Variants in USP24 observed in about 807,000 individuals in gnomAD.
USP24 encodes the protein ubiquitin specific peptidase 24, also known as ubiquitin carboxyl-terminal hydrolase 24.
USP24 carries 97 observed loss-of-function variants against 361.6 expected under a neutral mutation model. That is an observed-to-expected ratio of 0.27 (90% CI 0.23 to 0.32). USP24 has a LOEUF of 0.32. Among genes scored for constraint, USP24 ranks in the 10% least tolerant of loss-of-function variants. The pLI is 1.00. For missense variants in USP24, 2,353 were observed against 3,165.6 expected (o/e 0.74, Z 6.16); for synonymous variants, 1,098 against 1,124.6 (o/e 0.98, Z 0.47).
intron 1 of USP24, among the ~76,000 whole-genome samples, chr1:55,208,564 G>A (rs748041713): frequency 1.3e-5 from 2 of 151,956 alleles, no homozygotes; most frequent in African/African-American, 4.8e-5. Flanking sequence ...GGGAGGCGGA[G>A]GTTGCAGTGA....
intron 23 of USP24, among the ~76,000 whole-genome samples, chr1:55,142,462 T>C (rs1016121485): frequency 9.9e-5 from 15 of 152,154 alleles, no homozygotes; most frequent in African/African-American, 3.4e-4. Flanking sequence ...ATGGAATGTA[T>C]AGGTGACCTA....
chr1:55,138,949 T>C lies in USP24; in HGVS notation c.2812A>G (p.Ile938Val), dbSNP rs1646812790. The C allele has an allele frequency of 1.9e-6, 3 of 1,612,896 alleles. No homozygotes were observed. The highest frequency in any genetic ancestry group is 2.2e-5 in the South Asian group (2 of 90,900). ...LLLAERYVIT[I>V]EDFYSVPRTI... ...AAAAAAAGGAAGTGGCTTACCTCTATAGTGATCACATAGCGCTCTGCCAGA... is the reference window on the plus strand; with the variant it reads ...AAAAAAAGGAAGTGGCTTACCTCTACAGTGATCACATAGCGCTCTGCCAGA... The change falls in exon 25 of 68, where the codon ATA becomes GTA. Residue 938 changes from isoleucine (I) to valine (V), a missense_variant. Ile to Val is a conservative substitution (Grantham distance 29). Coordinates refer to ENST00000294383, the MANE Select transcript of USP24 (RefSeq NM_015306.3).
At chr1:55,198,379 G>A (rs1295640267) in intron 1 of USP24, among the ~76,000 whole-genome samples, 1 of 152,164 alleles carries the variant, frequency 6.6e-6, no homozygotes, top group South Asian at 2.1e-4. Flanking sequence ...GAGAATGAAA[G>A]GGAAAGAGAA....
At chr1:55,136,020 C>T (rs564936220) in intron 28 of USP24, among the ~76,000 whole-genome samples, 1 of 152,042 alleles carries the variant, frequency 6.6e-6, no homozygotes, top group South Asian at 2.1e-4. Flanking sequence ...AATCTGCTCT[C>T]ATGGAGCTTA....
chr1:55,101,686 A>G lies in USP24; in HGVS notation c.5043T>C (p.Asp1681=). The change falls in exon 43 of 68, where the codon GAT becomes GAC. Residue 1681 remains aspartate (D), a synonymous_variant. Coordinates refer to ENST00000294383, the MANE Select transcript of USP24 (RefSeq NM_015306.3). ...TKEFDYLPPV[D]SRSSSGFVGL... ...CCACAAACCCTGAACTGGACCTGCT[A>G]TCCACTGGGGGAAGGTACTGGAAAA... 5 of 1,610,266 alleles carry G rather than the reference A, an allele frequency of 3.1e-6. No homozygotes were observed. The South Asian group carries it at 4.5e-5, about 14-fold the overall frequency.
At chr1:55,177,650 A>G (rs2100823302) in intron 2 of USP24, among the ~76,000 whole-genome samples, 1 of 152,362 alleles carries the variant, frequency 6.6e-6, no homozygotes, top group African/African-American at 2.4e-5. Context: ...TTAAATAAAT[A>G]TAACTTTCTT....
Position 55,157,269 on chromosome 1 carries a change from C to T in USP24, c.1329G>A (p.Ser443=), listed in dbSNP as rs777413945. 1.1e-5 allele frequency: 17 copies of T among 1,597,524 alleles called. No homozygotes were observed. The East Asian group carries it at 2.9e-4, about 27-fold the overall frequency. ...AAAGCAACTTACCTTCCAGTGCAAT[C>T]GACAGAACTGAGTTTTCAACTAGCC... ...LDWLVENSVL[S]IALEGNIDQA... The change falls in exon 11 of 68, where the codon TCG becomes TCA. Residue 443 remains serine (S), a synonymous_variant. Coordinates refer to ENST00000294383, the MANE Select transcript of USP24 (RefSeq NM_015306.3).
intron 38 of USP24, among the ~76,000 whole-genome samples, chr1:55,113,621 G>A (rs781497722): frequency 2.5e-4 from 38 of 152,112 alleles, no homozygotes; most frequent in Non-Finnish European, 3.7e-4. Context: ...ACATCGATGC[G>A]AAAATCCTCA....
In USP24 at chr1:55,067,417, G is replaced by A. The variant is rs1644842415; in HGVS notation, c.*1628C>T. On this transcript the variant is annotated 3_prime_UTR_variant, in exon 68 of 68. Transcript: ENST00000294383. Reference sequence around the variant, plus strand: ...CTCTGTCCGTTTCTCTAAGGGTACAGTTCTGCTCTTAAGTGCTGGCCCTTC... The same window carrying A: ...CTCTGTCCGTTTCTCTAAGGGTACAATTCTGCTCTTAAGTGCTGGCCCTTC... 6.6e-6 allele frequency: 1 copy of A among 152,246 alleles called. No individual in the cohort carries two copies. Among genetic ancestry groups the A allele is most frequent in the Non-Finnish European group, 1.5e-5 (1 of 68,052 alleles). 9.4% of individuals were successfully genotyped at this position (152,246 alleles called of 1,614,324 possible).
At chr1:55,200,856 G>A (rs1026179138) in intron 1 of USP24, among the ~76,000 whole-genome samples, 2 of 152,044 alleles carry the variant, frequency 1.3e-5, no homozygotes, top group African/African-American at 4.8e-5. Flanking sequence ...GCTTAAAAAG[G>A]GTTTGTTTCT....
intron 1 of USP24, among the ~76,000 whole-genome samples, chr1:55,189,926 G>A (rs1471905778): frequency 6.6e-6 from 1 of 151,924 alleles, no homozygotes; most frequent in East Asian, 1.9e-4. Context: ...CCAGCACTTT[G>A]GGAGGCTGAG....
intron 6 of USP24, among the ~76,000 whole-genome samples, 191 bp downstream of exon 6, chr1:55,166,377 A>C (rs1648864089): frequency 6.6e-6 from 1 of 152,092 alleles, no homozygotes; most frequent in Non-Finnish European, 1.5e-5. Context: ...AGATAGTACT[A>C]AGTCCAAAAG....
intron 67 of USP24, chr1:55,071,098 T>C: frequency 1.0e-6 from 1 of 974,374 alleles, no homozygotes; most frequent in Non-Finnish European, 1.2e-6. Flanking sequence ...ACATAGTGCT[T>C]ATGAGGATCC....
At chr1:55,101,303 A>G (rs1645628198) in intron 43 of USP24, among the ~76,000 whole-genome samples, 1 of 152,220 alleles carries the variant, frequency 6.6e-6, no homozygotes, top group South Asian at 2.1e-4. Context: ...AAATACTAAA[A>G]CTGTCAGTAA....
At chr1:55,110,285 G>T in intron 38 of USP24, 39 bp from the exon 39 acceptor site, 2 of 1,453,824 alleles carry the variant, frequency 1.4e-6, no homozygotes, top group South Asian at 1.4e-5. Context: ...ATAAGAGGCT[G>T]ATTTGAAAAT....
chr1:55,149,239 A>C (rs1647124926), intron 16 of USP24, among the ~76,000 whole-genome samples: 1 of 152,200 alleles, frequency 6.6e-6, no homozygotes, highest in South Asian at 2.1e-4. Context: ...CTGTTTGTGT[A>C]ATACTCTTTA....
intron 63 of USP24, 47 bp downstream of exon 63, chr1:55,075,410 C>T: frequency 1.3e-6 from 2 of 1,509,816 alleles, no homozygotes; most frequent in Non-Finnish European, 1.8e-6. Flanking sequence ...AATAGATTAT[C>T]CACATATTTA....
chr1:55,068,893 G>T lies in USP24; in HGVS notation c.*152C>A. 2 of 749,854 alleles carry T rather than the reference G, an allele frequency of 2.7e-6. No homozygotes were observed. The highest frequency in any genetic ancestry group is 4.3e-6 in the Non-Finnish European group (2 of 469,702). 46.5% of individuals were successfully genotyped at this position (749,854 alleles called of 1,614,324 possible). On this transcript the variant is annotated 3_prime_UTR_variant, in exon 68 of 68. Transcript: ENST00000294383. Reference sequence around the variant, plus strand: ...CCAAACCTTCTAGTGGCTTAAAAATGCTTTCCTTGAGAAATACACGATCCG... The same window carrying T: ...CCAAACCTTCTAGTGGCTTAAAAATTCTTTCCTTGAGAAATACACGATCCG...
intron 24 of USP24, among the ~76,000 whole-genome samples, chr1:55,140,772 A>T (rs1403547200): frequency 6.6e-6 from 1 of 152,212 alleles, no homozygotes; most frequent in Admixed American, 6.5e-5. Flanking sequence ...AGCACTCGCC[A>T]GTTTTCTGGG....
Sources: gnomAD v4.1 joint callset for allele counts (sites outside exome capture counted in the v4.1 genomes callset) on GRCh38, gnomAD v4.1.1 for gene constraint, MANE v1.5 for transcripts, NCBI Gene and HGNC (gene_info 2026-07-23, HGNC 2026-07-21) for gene names.